Variants in WWP2 observed in about 807,000 individuals in gnomAD.
WWP2 encodes NEDD4-like E3 ubiquitin-protein ligase WWP2.
Under a neutral mutation model 121.0 loss-of-function variants are expected in WWP2, and 57 were observed. The observed-to-expected ratio is 0.47, with a 90% CI of 0.38 to 0.59. WWP2 has a LOEUF of 0.59. WWP2 is among the 20% of genes least tolerant of loss of function. The pLI, the probability that WWP2 is intolerant of heterozygous loss-of-function variation, is 0.00. For missense variants in WWP2, 962 were observed against 1,158.9 expected, an observed-to-expected ratio of 0.83 and a Z score of 2.47; for synonymous variants, 449 against 441.3, an observed-to-expected ratio of 1.02 and a Z score of -0.22.
chr16:69,769,727 A>C (rs2055372249), intron 1 of WWP2, among the ~76,000 whole-genome samples: 1 of 152,170 alleles, frequency 6.6e-6, no homozygotes, highest in African/African-American at 2.4e-5. Context: ...CTTATAAAGT[A>C]AGTACTATTA....
At chr16:69,803,647 C>T (rs1439119316) in intron 4 of WWP2, among the ~76,000 whole-genome samples, 1 of 152,158 alleles carries the variant, frequency 6.6e-6, no homozygotes, top group Admixed American at 6.6e-5. Flanking sequence ...CAGTGACTTA[C>T]ACATGTAATC....
intron 8 of WWP2, among the ~76,000 whole-genome samples, chr16:69,902,468 AT>A (rs2058220112): frequency 6.6e-6 from 1 of 152,164 alleles, no homozygotes; most frequent in Admixed American, 6.5e-5. Flanking sequence ...GTAGTCCATG[AT>A]CCAACCAAAT....
At chr16:69,796,101 T>A (rs1418699391) in intron 2 of WWP2, among the ~76,000 whole-genome samples, 1 of 152,056 alleles carries the variant, frequency 6.6e-6, no homozygotes, top group East Asian at 1.9e-4. Context: ...ATTAGTATTA[T>A]AAAAAGTTAA....
intron 12 of WWP2, 146 bp downstream of exon 12, chr16:69,929,675 G>A (rs1255456922): frequency 1.9e-5 from 13 of 697,340 alleles, no homozygotes; most frequent in Admixed American, 8.4e-5. Context: ...GACTCTCACC[G>A]TACAGATACA....
At chr16:69,891,966 G>A (rs1245892008) in intron 8 of WWP2, among the ~76,000 whole-genome samples, 1 of 152,106 alleles carries the variant, frequency 6.6e-6, no homozygotes, top group Non-Finnish European at 1.5e-5. Flanking sequence ...TACTGATCCT[G>A]CTTTGCATTT....
Position 69,779,273 on chromosome 16 carries a change from G to A in WWP2, c.-15-7723G>A, listed in dbSNP as rs546822396. Among the ~76,000 whole-genome samples the A allele has an allele frequency of 1.5e-3, 220 of 151,576 alleles. 2 individuals carry two copies. Among genetic ancestry groups the A allele is most frequent in the Non-Finnish European group, 2.3e-3 (154 of 67,898 alleles). On this transcript the variant is annotated intron_variant, in intron 1 of 23. Coordinates refer to ENST00000359154, the MANE Select transcript of WWP2 (RefSeq NM_001270454.2). ...GCCCCGGCCGGTTATTTTTCTTTAT[G>A]CATCAATTGGAAAGGTTTTACAATT...
intron 4 of WWP2, among the ~76,000 whole-genome samples, chr16:69,814,110 C>G (rs1404316846): frequency 6.6e-6 from 1 of 152,120 alleles, no homozygotes; most frequent in East Asian, 1.9e-4. Context: ...TAAGCTAAAC[C>G]ACTTGAGGGA....
At chr16:69,930,369 C>G (rs1324301445) in intron 13 of WWP2, 111 bp downstream of exon 13, 1 of 1,496,790 alleles carries the variant, frequency 6.7e-7, no homozygotes, top group Non-Finnish European at 9.0e-7. Context: ...TTCTACTGCC[C>G]TTACTGCCCT....
intron 6 of WWP2, among the ~76,000 whole-genome samples, chr16:69,865,896 G>A (rs772108211): frequency 5.3e-5 from 8 of 152,226 alleles, no homozygotes; most frequent in African/African-American, 1.7e-4. Flanking sequence ...GTCAGTTGCT[G>A]TGTGGAAACC....
intron 4 of WWP2, among the ~76,000 whole-genome samples, chr16:69,813,460 C>G (rs538369312): frequency 6.6e-4 from 99 of 150,548 alleles, no homozygotes; most frequent in African/African-American, 2.0e-3. Flanking sequence ...CTGCGCCCAG[C>G]CTTTTTTTTG....
intron 8 of WWP2, among the ~76,000 whole-genome samples, chr16:69,907,568 T>C (rs781017151): frequency 1.3e-5 from 2 of 152,208 alleles, no homozygotes; most frequent in Non-Finnish European, 2.9e-5. Context: ...TATAAATACA[T>C]TTTTGCATCC....
At chr16:69,924,722 C>G (rs1160634741) in intron 10 of WWP2, among the ~76,000 whole-genome samples, 1 of 150,450 alleles carries the variant, frequency 6.6e-6, no homozygotes, top group Non-Finnish European at 1.5e-5. Context: ...CACCCCCACC[C>G]CGAGACAAAC....
At chr16:69,899,346 GCAACAACAA>G (rs976920090) in intron 8 of WWP2, among the ~76,000 whole-genome samples, 1 of 151,894 alleles carries the variant, frequency 6.6e-6, no homozygotes, top group Non-Finnish European at 1.5e-5. Flanking sequence ...ACCCATCTCA[GCAACAACAA>G]CAACAACACA....
In WWP2 at chr16:69,940,285, C is replaced by T. The variant is rs371077322; in HGVS notation, c.*345C>T. The T allele has an allele frequency of 2.7e-4, 69 of 256,018 alleles. No homozygotes were observed. The highest frequency in any genetic ancestry group is 8.1e-4 in the South Asian group (8 of 9,916). The allele number at this position is 256,018 out of a possible 1,614,324, so 15.9% of individuals were successfully genotyped here. ...AAGGTGTTGCATCCCCAGGGGCTGCCGCAGAGGCCGGAGACCTCCTGGACT... is the reference window on the plus strand; with the variant it reads ...AAGGTGTTGCATCCCCAGGGGCTGCTGCAGAGGCCGGAGACCTCCTGGACT... On this transcript the variant is annotated 3_prime_UTR_variant, in exon 24 of 24. Transcript: ENST00000359154.
intron 6 of WWP2, among the ~76,000 whole-genome samples, chr16:69,862,314 C>G (rs540542736): frequency 6.6e-6 from 1 of 152,328 alleles, no homozygotes; most frequent in African/African-American, 2.4e-5. Flanking sequence ...ATCCACTCAC[C>G]TCGGCCTCCC....
chr16:69,878,328 C>T (rs564077127), intron 7 of WWP2, among the ~76,000 whole-genome samples: 80 of 152,156 alleles, frequency 5.3e-4, no homozygotes, highest in African/African-American at 1.8e-3. Flanking sequence ...AGAAATAGAC[C>T]TGCTGGATGT....
intron 2 of WWP2, among the ~76,000 whole-genome samples, chr16:69,790,366 A>T (rs181228689): frequency 6.6e-6 from 1 of 152,168 alleles, no homozygotes; most frequent in African/African-American, 2.4e-5. Context: ...GGAGGAAAAA[A>T]ATTTTACTAT....
chr16:69,773,468 C>G (rs1201974359), intron 1 of WWP2, among the ~76,000 whole-genome samples: 1 of 147,832 alleles, frequency 6.8e-6, no homozygotes, highest in Non-Finnish European at 1.5e-5. Context: ...CATGAGCCAC[C>G]ACGCCCAGCC....
chr16:69,769,548 C>T (rs1223034600), intron 1 of WWP2, among the ~76,000 whole-genome samples: 1 of 152,094 alleles, frequency 6.6e-6, no homozygotes, highest in African/African-American at 2.4e-5. Flanking sequence ...TCGGTGTTCA[C>T]TGGTTTCTTG....
Sources: allele counts gnomAD v4.1 joint callset (sites outside exome capture counted in the v4.1 genomes callset), GRCh38; gene constraint gnomAD v4.1.1; transcripts MANE v1.5; gene names NCBI Gene and HGNC (gene_info 2026-07-23, HGNC 2026-07-21).